The following ZNF786 variants were observed in gnomAD, a reference collection of about 807,000 sequenced individuals.
ZNF786 encodes zinc finger protein 786.
A neutral mutation model predicts 63.1 loss-of-function variants in ZNF786; 56 were observed. The ratio of observed to expected loss-of-function variants is 0.89; its 90% CI spans 0.72 to 1.11. ZNF786 has a LOEUF of 1.11. Ranked by LOEUF, ZNF786 falls within the 50% of genes least tolerant of loss-of-function variation. The pLI, the probability that ZNF786 is intolerant of heterozygous loss-of-function variation, is 0.00. For synonymous variants in ZNF786, 485 were observed against 406.9 expected (o/e 1.19, Z -2.31); for missense variants, 1,213 against 1,041.8 (o/e 1.16, Z -2.26).
At chr7:149,077,752 G>A (rs946462583) in intron 2 of ZNF786, among the ~76,000 whole-genome samples, 7 of 152,056 alleles carry the variant, frequency 4.6e-5, no homozygotes, top group Admixed American at 4.6e-4. Context: ...TCAAGAATTC[G>A]AGACCAGCCT....
At chr7:149,072,935 A>C (rs781133833) in intron 3 of ZNF786, among the ~76,000 whole-genome samples, 4 of 152,174 alleles carry the variant, frequency 2.6e-5, no homozygotes, top group Non-Finnish European at 5.9e-5. Context: ...GGCTGTTCTC[A>C]TGACTTCAGG....
Position 149,090,715 on chromosome 7 carries a change from C to A in ZNF786, c.-75G>T, listed in dbSNP as rs1825817784. 2 of 1,485,184 alleles carry A rather than the reference C, an allele frequency of 1.3e-6. No homozygotes were observed. The highest frequency in any genetic ancestry group is 2.6e-5 in the South Asian group (2 of 77,802). 92.0% of individuals were successfully genotyped at this position (1,485,184 alleles called of 1,614,324 possible). A position where few individuals can be genotyped will look rare whatever the true frequency, so the allele number is the denominator to read the frequency against. ...CTCCGCAGGAACCTGCCCTGCTGCGCACTGACTCCCCTCCGCTCCGCCCCA... is the reference window on the plus strand; with the variant it reads ...CTCCGCAGGAACCTGCCCTGCTGCGAACTGACTCCCCTCCGCTCCGCCCCA... On this transcript the variant is annotated 5_prime_UTR_variant, in exon 1 of 4. Transcript: ENST00000491431.
intron 1 of ZNF786, among the ~76,000 whole-genome samples, chr7:149,090,102 AACTT>A (rs1253181795): frequency 1.3e-5 from 2 of 152,196 alleles, no homozygotes; most frequent in African/African-American, 2.4e-5. Flanking sequence ...AGAAACCACT[AACTT>A]AATTTTTTGT....
Position 149,085,893 on chromosome 7 carries a change from G to A in ZNF786, c.18+4730C>T, listed in dbSNP as rs565922333. Among the ~76,000 whole-genome samples, 3 of 152,232 alleles carry A rather than the reference G, an allele frequency of 2.0e-5. No individual in the cohort carries two copies. The South Asian group carries it at 6.2e-4, about 32-fold the overall frequency. On this transcript the variant is annotated intron_variant, in intron 1 of 3. Transcript: ENST00000491431. ...TTTGGCTTTTAGCTTGGATGTTGTT[G>A]GTGTATAGGAATGCTACTGATTTTT...
rs1254160741 is a variant in ZNF786 at position 149,075,661 on chromosome 7, T to TTTG, written c.146-1124_146-1123insCAA. On this transcript the variant is annotated intron_variant, in intron 2 of 3. Transcript: ENST00000491431. ...CTGTGCTGACACACTTCAGGTTTTTTTTTTTTTTTTTTTTTTTTTTTTGAT... is the reference window on the plus strand; with the variant it reads ...CTGTGCTGACACACTTCAGGTTTTTTTTGTTTTTTTTTTTTTTTTTTTTTTGAT... Among the ~76,000 whole-genome samples the TTTG allele has an allele frequency of 2.7e-5, 3 of 111,790 alleles. No individual in the cohort carries two copies. In the East Asian group the frequency reaches 8.3e-4, roughly 31 times the overall value. The allele number at this position is 111,790 out of a possible 152,430, so 73.3% of individuals were successfully genotyped here. A position where few individuals can be genotyped will look rare whatever the true frequency, so the allele number is the denominator to read the frequency against.
chr7:149,086,054 C>T (rs757386696), intron 1 of ZNF786, among the ~76,000 whole-genome samples: 31 of 152,170 alleles, frequency 2.0e-4, no homozygotes, highest in Non-Finnish European at 3.5e-4. Context: ...TCCTCTATTT[C>T]TATTTGGATG....
rs1825425263 is a variant in ZNF786 at position 149,071,808 on chromosome 7, C to T, written c.964G>A (p.Gly322Arg). Residue 322 changes from glycine to arginine, a missense_variant, in exon 4 of 4, where the codon GGG becomes AGG. By Grantham distance (125) the Gly-to-Arg change is moderately radical (BLOSUM62 -2). Transcript: ENST00000491431. Reference sequence around the variant, plus strand: ...CGGCCTTCTCTCCAAGAGGCCGGCCCCTCCCGGCTGTGCTGGCACCGGCGA... The same window carrying T: ...CGGCCTTCTCTCCAAGAGGCCGGCCTCTCCCGGCTGTGCTGGCACCGGCGA... Reference protein sequence around the residue: ...QARRCQHSREGPASWREGRGA... With the variant: ...QARRCQHSRERPASWREGRGA... 1.3e-6 allele frequency: 2 copies of T among 1,586,498 alleles called. No homozygotes were observed. The highest frequency in any genetic ancestry group is 1.3e-5 in the African/African-American group (1 of 74,672).
chr7:149,075,510 G>T (rs764190041), intron 2 of ZNF786, among the ~76,000 whole-genome samples: 4 of 152,030 alleles, frequency 2.6e-5, no homozygotes, highest in Non-Finnish European at 5.9e-5. Flanking sequence ...GTCTCAAAGT[G>T]CTGCGATTAC....
intron 2 of ZNF786, among the ~76,000 whole-genome samples, chr7:149,078,014 A>C (rs1440874555): frequency 1.3e-5 from 2 of 151,534 alleles, no homozygotes; most frequent in Non-Finnish European, 2.9e-5. Context: ...AGGCATGCAC[A>C]ACCACACCCA....
chr7:149,087,055 C>T (rs1472407202), intron 1 of ZNF786, among the ~76,000 whole-genome samples: 2 of 152,102 alleles, frequency 1.3e-5, no homozygotes, highest in African/African-American at 4.8e-5. Context: ...GTTGGTCAGG[C>T]TGGTCTTGAA....
intron 1 of ZNF786, among the ~76,000 whole-genome samples, 179 bp downstream of exon 1, chr7:149,090,444 G>A (rs1323132328): frequency 6.6e-6 from 1 of 152,198 alleles, no homozygotes; most frequent in African/African-American, 2.4e-5. Flanking sequence ...CCGCGGGAGC[G>A]GAGGCCACCT....
chr7:149,073,749 A>ATG (rs1161845355), intron 3 of ZNF786, among the ~76,000 whole-genome samples: 279 of 53,928 alleles, frequency 5.2e-3, no homozygotes, highest in African/African-American at 7.5e-3. Context: ...GTGTGTGTGT[A>ATG]TATATATATA....
intron 2 of ZNF786, among the ~76,000 whole-genome samples, chr7:149,074,867 TCTCA>T (rs774967108): frequency 3.3e-5 from 5 of 152,112 alleles, no homozygotes; most frequent in Admixed American, 6.6e-5. Flanking sequence ...TGAGATGGGT[TCTCA>T]CTCCAGTTGC....
rs760051623 is a variant in ZNF786, at chr7:149,071,970, A to AGG, written c.800_801dup (p.Phe268ProfsTer15). 3 of 1,612,424 alleles carry AGG rather than the reference A, an allele frequency of 1.9e-6. No homozygotes were observed. In the South Asian group the frequency reaches 3.3e-5, roughly 18 times the overall value. On this transcript the variant is annotated frameshift_variant, in exon 4 of 4. Coordinates refer to ENST00000491431, the MANE Select transcript of ZNF786 (RefSeq NM_152411.4). LOFTEE classifies it high-confidence loss of function. Reference sequence around the variant, plus strand: ...CACATTTCACCGTCAGCGTTCCGGAAGGGGCCCCTCCCCGTGTGGGCCGCC... The same window carrying AGG: ...CACATTTCACCGTCAGCGTTCCGGAAGGGGGGCCCCTCCCCGTGTGGGCCGCC...
At chr7:149,077,239 T>C (rs907859119) in intron 2 of ZNF786, among the ~76,000 whole-genome samples, 4 of 152,206 alleles carry the variant, frequency 2.6e-5, no homozygotes, top group Non-Finnish European at 5.9e-5. Context: ...GAAAGCTCTA[T>C]TGGGATTCTG....
At position 149,071,426 on chromosome 7, in the gene ZNF786, C is replaced by G; in HGVS notation, c.1346G>C (p.Gly449Ala). ...KLTEHIRVHS[G>A]EKPFRCAKCG... The stretch of plus-strand genomic sequence containing the variant: ...CTTGGCACACCGGAAAGGCTTCTCT[C>G]CGCTGTGGACTCGAATGTGCTCCGT... Residue 449 changes from glycine to alanine, a missense_variant, in exon 4 of 4, where the codon GGA becomes GCA. Transcript: ENST00000491431. 1 of 1,613,442 alleles carries G rather than the reference C, an allele frequency of 6.2e-7. No individual in the cohort carries two copies. The highest frequency in any genetic ancestry group is 2.2e-5 in the East Asian group (1 of 44,830).
intron 1 of ZNF786, among the ~76,000 whole-genome samples, 186 bp downstream of exon 1, chr7:149,090,437 C>T (rs1212197347): frequency 1.3e-5 from 2 of 152,222 alleles, no homozygotes; most frequent in Non-Finnish European, 2.9e-5. Context: ...GGACAAGCCG[C>T]GGGAGCGGAG....
At chr7:149,077,778 G>A (rs770522326) in intron 2 of ZNF786, among the ~76,000 whole-genome samples, 26 of 151,954 alleles carry the variant, frequency 1.7e-4, no homozygotes, top group Non-Finnish European at 3.7e-4. Flanking sequence ...ACATGATGAC[G>A]ATGATGGATA....
intron 2 of ZNF786, 117 bp downstream of exon 2, chr7:149,080,474 C>G (rs1230631201): frequency 8.5e-6 from 9 of 1,056,000 alleles, no homozygotes; most frequent in Non-Finnish European, 1.0e-5. Flanking sequence ...GGTAAAAATA[C>G]CCTTCTGAGT....
Sources: gnomAD v4.1 joint callset for allele counts (sites outside exome capture counted in the v4.1 genomes callset) on GRCh38, gnomAD v4.1.1 for gene constraint, MANE v1.5 for transcripts, NCBI Gene and HGNC (gene_info 2026-07-23, HGNC 2026-07-21) for gene names.